CNTNAP2: variants seen among roughly 807,000 people sequenced by gnomAD.
CNTNAP2 encodes the protein contactin-associated protein-like 2.
A neutral mutation model predicts 155.2 loss-of-function variants in CNTNAP2; 98 were observed. The ratio of observed to expected loss-of-function variants is 0.63; its 90% CI spans 0.54 to 0.75. The LOEUF is 0.75. Among genes scored for constraint, CNTNAP2 ranks in the 30% least tolerant of loss-of-function variants. The probability of loss-of-function intolerance (pLI) is 0.00; values close to 1 mark genes in which losing one functional copy is unlikely to be tolerated. For synonymous variants in CNTNAP2, 651 were observed against 631.2 expected (o/e 1.03, Z -0.47); for missense variants, 1,727 against 1,688.1 (o/e 1.02, Z -0.40).
At chr7:146,956,857 A>G (rs1358533854) in intron 3 of CNTNAP2, among the ~76,000 whole-genome samples, 2 of 152,164 alleles carry the variant, frequency 1.3e-5, no homozygotes, top group African/African-American at 2.4e-5. Flanking sequence ...GCATGGGGGA[A>G]TTATCTCACA....
intron 3 of CNTNAP2, among the ~76,000 whole-genome samples, chr7:146,980,466 G>T (rs557755336): frequency 1.3e-5 from 2 of 152,252 alleles, no homozygotes; most frequent in South Asian, 4.1e-4. Flanking sequence ...TGGAGACCAG[G>T]TGTGGAATCT....
At chr7:146,623,798 T>G (rs879720918) in intron 1 of CNTNAP2, among the ~76,000 whole-genome samples, 4 of 152,160 alleles carry the variant, frequency 2.6e-5, no homozygotes, top group Non-Finnish European at 5.9e-5. Flanking sequence ...GAGACCATAT[T>G]TAACTTTTTA....
At position 147,730,052 on chromosome 7, in the gene CNTNAP2, T is replaced by C. The variant is rs183124646; in HGVS notation, c.2098+90746T>C. ...ATATCTATGGCTATGAAGATGGAAG[T>C]TGACTTCATTGAGCAAACAGGAACA... is the stretch of plus-strand genomic sequence containing the variant. On this transcript the variant is annotated intron_variant, in intron 13 of 23. Transcript: ENST00000361727. 5.6e-3 allele frequency among the ~76,000 whole-genome samples: 846 copies of C among 152,254 alleles called. 10 individuals are homozygous for C. Among genetic ancestry groups the C allele is most frequent in the Non-Finnish European group, 8.8e-3 (597 of 67,992 alleles).
chr7:147,343,927 A>G (rs1464944130), intron 9 of CNTNAP2, among the ~76,000 whole-genome samples: 1 of 152,164 alleles, frequency 6.6e-6, no homozygotes, highest in Non-Finnish European at 1.5e-5. Flanking sequence ...TGGAGATGAA[A>G]TGAAGAATGC....
intron 11 of CNTNAP2, among the ~76,000 whole-genome samples, chr7:147,531,801 CT>C (rs1446674558): frequency 1.4e-5 from 2 of 141,044 alleles, no homozygotes; most frequent in Non-Finnish European, 3.1e-5. Flanking sequence ...ATGGGTTTTT[CT>C]TTTCTTTTTT....
rs755623604 is a variant in CNTNAP2 at position 146,227,428 on chromosome 7, CAAAAAAAAAA to C, written c.97+110467_97+110476del. The stretch of plus-strand genomic sequence containing the variant: ...CAACAGAGTGAGACTCTGTCTCAAA[CAAAAAAAAAA>C]AAAAAAAAAAAGAAAAAGAAAAAAA... On this transcript the variant is annotated intron_variant, in intron 1 of 23. Coordinates refer to ENST00000361727, the MANE Select transcript of CNTNAP2 (RefSeq NM_014141.6). 1.4e-4 allele frequency among the ~76,000 whole-genome samples: 8 copies of C among 58,726 alleles called. No homozygotes were observed. In the South Asian group the frequency reaches 4.6e-3, roughly 34 times the overall value. The allele number at this position is 58,726 out of a possible 152,430, so 38.5% of individuals were successfully genotyped here.
chr7:146,708,366 A>C (rs1022573514), intron 1 of CNTNAP2, among the ~76,000 whole-genome samples: 4 of 151,996 alleles, frequency 2.6e-5, no homozygotes, highest in Admixed American at 1.3e-4. Flanking sequence ...ACCACTTGTT[A>C]GAAATTTCTT....
chr7:148,266,028 C>T (rs751656621), intron 20 of CNTNAP2, among the ~76,000 whole-genome samples: 2 of 152,172 alleles, frequency 1.3e-5, no homozygotes, highest in Admixed American at 1.3e-4. Context: ...GACTCTGGAT[C>T]GTATCTGCTT....
chr7:147,340,856 G>T (rs967208723), intron 9 of CNTNAP2, among the ~76,000 whole-genome samples: 2 of 151,784 alleles, frequency 1.3e-5, no homozygotes, highest in Non-Finnish European at 2.9e-5. Flanking sequence ...AATACTGCTT[G>T]CTCTGTCAGA....
chr7:146,961,628 T>A (rs1291915814), intron 3 of CNTNAP2, among the ~76,000 whole-genome samples: 1 of 152,072 alleles, frequency 6.6e-6, no homozygotes, highest in Non-Finnish European at 1.5e-5. Flanking sequence ...CCTGGAAAAT[T>A]TAATGAGAAA....
chr7:148,363,270 A>C (rs1259911467), intron 21 of CNTNAP2, among the ~76,000 whole-genome samples: 4 of 152,246 alleles, frequency 2.6e-5, no homozygotes, highest in Admixed American at 2.6e-4. Context: ...GGCGTGAGCC[A>C]CCACGCACGG....
intron 1 of CNTNAP2, among the ~76,000 whole-genome samples, chr7:146,154,556 T>G (rs967896151): frequency 6.6e-6 from 1 of 152,208 alleles, no homozygotes; most frequent in African/African-American, 2.4e-5. Context: ...CAACTGGAAT[T>G]TTGACAGTAC....
intron 1 of CNTNAP2, among the ~76,000 whole-genome samples, chr7:146,358,153 G>A (rs1786188908): frequency 6.6e-6 from 1 of 152,052 alleles, no homozygotes; most frequent in South Asian, 2.1e-4. Flanking sequence ...TCCTGCCTCA[G>A]CCTCCCGAGT....
intron 4 of CNTNAP2, among the ~76,000 whole-genome samples, chr7:147,079,223 C>T (rs571627311): frequency 8.6e-5 from 13 of 151,988 alleles, no homozygotes; most frequent in African/African-American, 3.1e-4. Flanking sequence ...TATTATTATC[C>T]CCATTTAGTA....
intron 3 of CNTNAP2, among the ~76,000 whole-genome samples, chr7:146,901,297 T>C (rs1425701819): frequency 6.6e-6 from 1 of 152,142 alleles, no homozygotes; most frequent in Non-Finnish European, 1.5e-5. Context: ...TACATTTCCA[T>C]AGAAAACAAA....
chr7:147,614,250 TAC>T (rs1801242007), intron 12 of CNTNAP2, among the ~76,000 whole-genome samples: 1 of 152,156 alleles, frequency 6.6e-6, no homozygotes, highest in Non-Finnish European at 1.5e-5. Flanking sequence ...TACATTTATA[TAC>T]ACACACAAAT....
At chr7:147,032,539 C>T (rs948505271) in intron 3 of CNTNAP2, among the ~76,000 whole-genome samples, 4 of 152,124 alleles carry the variant, frequency 2.6e-5, no homozygotes, top group Non-Finnish European at 5.9e-5. Flanking sequence ...AGCCCGGATC[C>T]CTGAATGACT....
chr7:148,274,306 C>T (rs1215407432), intron 21 of CNTNAP2, among the ~76,000 whole-genome samples: 1 of 151,854 alleles, frequency 6.6e-6, no homozygotes, highest in Non-Finnish European at 1.5e-5. Flanking sequence ...GTTACTGTGG[C>T]AGAGCCTTGG....
At chr7:146,758,265 T>A (rs1802026391) in intron 1 of CNTNAP2, among the ~76,000 whole-genome samples, 1 of 152,160 alleles carries the variant, frequency 6.6e-6, no homozygotes, top group Admixed American at 6.6e-5. Context: ...CTGTTTTCCT[T>A]TTTTCCTGCC....
Sources: gnomAD v4.1 joint callset for allele counts (sites outside exome capture counted in the v4.1 genomes callset) on GRCh38, gnomAD v4.1.1 for gene constraint, MANE v1.5 for transcripts, NCBI Gene and HGNC (gene_info 2026-07-23, HGNC 2026-07-21) for gene names.